The following FARS2 variants were observed in gnomAD, a reference collection of about 807,000 sequenced individuals.
FARS2 encodes the protein phenylalanine--tRNA ligase, mitochondrial.
A neutral mutation model predicts 46.4 loss-of-function variants in FARS2; 40 were observed. The ratio of observed to expected loss-of-function variants is 0.86; its 90% CI spans 0.67 to 1.12. The LOEUF is 1.12. FARS2 is among the 50% of genes most tolerant of loss of function. The pLI, the probability that FARS2 is intolerant of heterozygous loss-of-function variation, is 0.00. For missense variants in FARS2, 513 were observed against 567.9 expected (o/e 0.90, Z 0.98); for synonymous variants, 234 against 214.9 (o/e 1.09, Z -0.78).
intron 1 of FARS2, among the ~76,000 whole-genome samples, chr6:5,274,550 G>A (rs181058847): frequency 2.6e-5 from 4 of 152,290 alleles, no homozygotes; most frequent in Admixed American, 2.6e-4. Flanking sequence ...CACACATGAA[G>A]GAAAGGCCAA....
intron 1 of FARS2, among the ~76,000 whole-genome samples, chr6:5,318,551 T>A (rs1215524683): frequency 6.6e-6 from 1 of 152,134 alleles, no homozygotes; most frequent in Non-Finnish European, 1.5e-5. Flanking sequence ...TCCAGATTCT[T>A]GGCATCTTAA....
At chr6:5,411,072 G>A (rs1433277905) in intron 3 of FARS2, among the ~76,000 whole-genome samples, 1 of 152,142 alleles carries the variant, frequency 6.6e-6, no homozygotes, top group African/African-American at 2.4e-5. Context: ...TTCAGAGACT[G>A]TGAGGCCTAT....
intron 4 of FARS2, among the ~76,000 whole-genome samples, chr6:5,443,148 C>T (rs982952663): frequency 2.0e-5 from 3 of 152,206 alleles, no homozygotes; most frequent in Non-Finnish European, 4.4e-5. Context: ...CCATTTTAAA[C>T]TGTTATCCTT....
At chr6:5,605,057 G>C (rs1774752671) in intron 5 of FARS2, among the ~76,000 whole-genome samples, 1 of 152,208 alleles carries the variant, frequency 6.6e-6, no homozygotes, top group African/African-American at 2.4e-5. Context: ...GTCATGTCGT[G>C]GCTGCTTTGT....
intron 6 of FARS2, among the ~76,000 whole-genome samples, chr6:5,689,716 C>T (rs562479975): frequency 3.0e-4 from 46 of 152,070 alleles, no homozygotes; most frequent in South Asian, 1.0e-3. Context: ...CTATTAGGTC[C>T]GCTTGGTGCA....
chr6:5,718,192 G>A (rs946638043), intron 6 of FARS2, among the ~76,000 whole-genome samples: 3 of 152,140 alleles, frequency 2.0e-5, no homozygotes, highest in Non-Finnish European at 2.9e-5. Flanking sequence ...GGGATTACAG[G>A]TGTGAGCCAC....
At chr6:5,769,258 GC>G (rs1383106038) in intron 6 of FARS2, among the ~76,000 whole-genome samples, 2 of 152,184 alleles carry the variant, frequency 1.3e-5, no homozygotes, top group Non-Finnish European at 2.9e-5. Context: ...TAGTCTTGGT[GC>G]TCTTGTCAAA....
At chr6:5,364,498 A>T (rs1391093783) in intron 1 of FARS2, among the ~76,000 whole-genome samples, 1 of 152,146 alleles carries the variant, frequency 6.6e-6, no homozygotes, top group East Asian at 1.9e-4. Flanking sequence ...TTGTGACTTT[A>T]TAATCTACAT....
intron 1 of FARS2, among the ~76,000 whole-genome samples, chr6:5,318,387 C>CAAAAAAAAAAAAAAAAACA (rs1769701440): frequency 1.2e-4 from 9 of 77,182 alleles, no homozygotes; most frequent in Admixed American, 5.5e-4. Flanking sequence ...AAAAAAAAAC[C>CAAAAAAAAAAAAAAAAACA]AAAAAAAAAA....
chr6:5,514,089 CATATAT>C (rs57189455), intron 4 of FARS2, among the ~76,000 whole-genome samples: 12 of 147,138 alleles, frequency 8.2e-5, no homozygotes, highest in South Asian at 4.3e-4. Context: ...AAAATCTGGA[CATATAT>C]ATATATATAT....
chr6:5,291,243 T>C (rs1425363519), intron 1 of FARS2: 1 of 152,250 alleles, frequency 6.6e-6, no homozygotes. Context: ...TGATCTCATA[T>C]AAGATCTAAC....
At chr6:5,419,171 A>G (rs912733563) in intron 3 of FARS2, among the ~76,000 whole-genome samples, 2 of 152,148 alleles carry the variant, frequency 1.3e-5, no homozygotes, top group African/African-American at 4.8e-5. Context: ...CTTCTCAGAG[A>G]AGAATTTGAC....
intron 4 of FARS2, among the ~76,000 whole-genome samples, chr6:5,446,378 G>T (rs1345403565): frequency 1.3e-5 from 2 of 152,126 alleles, no homozygotes; most frequent in Non-Finnish European, 2.9e-5. Flanking sequence ...AAGAAAAAAA[G>T]CTCTCAAAAT....
At chr6:5,287,732 T>C (rs1323950127) in intron 1 of FARS2, among the ~76,000 whole-genome samples, 1 of 152,226 alleles carries the variant, frequency 6.6e-6, no homozygotes, top group Non-Finnish European at 1.5e-5. Flanking sequence ...AATGGTTGGA[T>C]GTCACCCTCT....
chr6:5,371,366 C>A (rs1379092703), intron 2 of FARS2: 2 of 160,434 alleles, frequency 1.2e-5, no homozygotes, highest in Non-Finnish European at 2.6e-5. Context: ...TTATTATTAT[C>A]TTTTAAGGTA....
chr6:5,298,528 C>T (rs545254400), intron 1 of FARS2, among the ~76,000 whole-genome samples: 2 of 152,322 alleles, frequency 1.3e-5, no homozygotes, highest in Non-Finnish European at 2.9e-5. Context: ...AGACTAATCT[C>T]TAATTCGGTG....
At chr6:5,725,681 A>T (rs1760204136) in intron 6 of FARS2, among the ~76,000 whole-genome samples, 1 of 152,242 alleles carries the variant, frequency 6.6e-6, no homozygotes, top group South Asian at 2.1e-4. Flanking sequence ...CACACCTGTA[A>T]TCCCAGCACT....
chr6:5,768,489 G>A (rs1166779858), intron 6 of FARS2, among the ~76,000 whole-genome samples: 1 of 152,152 alleles, frequency 6.6e-6, no homozygotes, highest in Non-Finnish European at 1.5e-5. Flanking sequence ...CTTCTGCTAG[G>A]AGGGACCAGA....
chr6:5,720,592 T>C (rs1435679806), intron 6 of FARS2, among the ~76,000 whole-genome samples: 1 of 152,218 alleles, frequency 6.6e-6, no homozygotes, highest in African/African-American at 2.4e-5. Flanking sequence ...GTTTTCTAGA[T>C]TGCCTTTACA....
Sources: allele counts gnomAD v4.1 joint callset (sites outside exome capture counted in the v4.1 genomes callset), GRCh38; gene constraint gnomAD v4.1.1; transcripts MANE v1.5; gene names NCBI Gene and HGNC (gene_info 2026-07-23, HGNC 2026-07-21).